Variants in ARHGAP5 observed in about 807,000 individuals in gnomAD.
ARHGAP5 encodes the protein Rho GTPase activating protein 5.
Under a neutral mutation model 116.6 loss-of-function variants are expected in ARHGAP5, and 23 were observed. The observed-to-expected ratio is 0.20, with a 90% CI of 0.14 to 0.28. The LOEUF is 0.28. ARHGAP5 is among the 10% of genes least tolerant of loss of function. The pLI, the probability that ARHGAP5 is intolerant of heterozygous loss-of-function variation, is 1.00. For synonymous variants in ARHGAP5, 574 were observed against 602.0 expected (o/e 0.95, Z 0.68); for missense variants, 1,405 against 1,774.8 (o/e 0.79, Z 3.74).
At chr14:32,081,672 G>GT (rs1555354626) in intron 1 of ARHGAP5, among the ~76,000 whole-genome samples, 1 of 151,654 alleles carries the variant, frequency 6.6e-6, no homozygotes, top group Non-Finnish European at 1.5e-5. Flanking sequence ...AAATAAACAC[G>GT]TAACGTTGGC....
chr14:32,154,302 AC>A (rs1881794311), intron 6 of ARHGAP5: 1 of 231,606 alleles, frequency 4.3e-6, no homozygotes, highest in Non-Finnish European at 8.5e-6. Context: ...AGGCTTTGTC[AC>A]TACGCCTGGC....
At chr14:32,132,270 T>C (rs937531316) in intron 3 of ARHGAP5, among the ~76,000 whole-genome samples, 92 of 152,290 alleles carry the variant, frequency 6.0e-4, no homozygotes, top group African/African-American at 2.2e-3. Context: ...TTTTAATGAT[T>C]GCCACTCTAA....
rs553535349 is a variant in ARHGAP5 at position 32,108,881 on chromosome 14, A to G, written c.3718-8259A>G. On this transcript the variant is annotated intron_variant, in intron 2 of 6. Coordinates refer to ENST00000345122, the MANE Select transcript of ARHGAP5 (RefSeq NM_001030055.2). ...ATTTATCTGGTGTATGTGTGAATCT[A>G]TTAAAATCAACATTCAGTGCTTATT... is the stretch of plus-strand genomic sequence containing the variant. Among the ~76,000 whole-genome samples the G allele has an allele frequency of 5.3e-5, 8 of 152,292 alleles. No individual in the cohort carries two copies. The East Asian group carries it at 1.2e-3, about 22-fold the overall frequency.
intron 1 of ARHGAP5, among the ~76,000 whole-genome samples, chr14:32,089,535 T>C (rs955882623): frequency 6.6e-6 from 1 of 151,902 alleles, no homozygotes; most frequent in Admixed American, 6.6e-5. Context: ...TGAAAACAAG[T>C]AATCAAAATT....
chr14:32,152,700 A>T (rs1213965708), intron 6 of ARHGAP5, among the ~76,000 whole-genome samples, 172 bp downstream of exon 6: 1 of 152,200 alleles, frequency 6.6e-6, no homozygotes, highest in Non-Finnish European at 1.5e-5. Flanking sequence ...TAGTTTTGTA[A>T]TGTAATTATT....
In ARHGAP5 at chr14:32,091,686, A is replaced by G; in HGVS notation, c.1017A>G (p.Ile339Met). The G allele has an allele frequency of 1.2e-6, 2 of 1,610,286 alleles. No individual in the cohort carries two copies. Among genetic ancestry groups the G allele is most frequent in the South Asian group, 1.1e-5 (1 of 90,160 alleles). The change falls in exon 2 of 7, where the codon ATA becomes ATG. Residue 339 changes from isoleucine to methionine, a missense_variant. Ile to Met is a conservative substitution (Grantham distance 10). Coordinates refer to ENST00000345122, the MANE Select transcript of ARHGAP5 (RefSeq NM_001030055.2). ...EHIRKRREEYINTLPRAFNTL... is the reference protein window; with the variant it reads ...EHIRKRREEYMNTLPRAFNTL... ...TAAGAAAAAGGAGAGAAGAGTATATAAATACTTTACCAAGAGCTTTTAACA... is the reference window on the plus strand; with the variant it reads ...TAAGAAAAAGGAGAGAAGAGTATATGAATACTTTACCAAGAGCTTTTAACA...
chr14:32,079,638 T>C (rs2041752250), intron 1 of ARHGAP5, among the ~76,000 whole-genome samples: 1 of 152,206 alleles, frequency 6.6e-6, no homozygotes, highest in South Asian at 2.1e-4. Flanking sequence ...ACTCACTTTT[T>C]TTAATTGAAG....
At chr14:32,083,173 C>T (rs1202373062) in intron 1 of ARHGAP5, among the ~76,000 whole-genome samples, 1 of 152,270 alleles carries the variant, frequency 6.6e-6, no homozygotes, top group Non-Finnish European at 1.5e-5. Flanking sequence ...TCATCTGTTT[C>T]AGGGGTCTGC....
chr14:32,131,462 A>T (rs1353849864), intron 3 of ARHGAP5, among the ~76,000 whole-genome samples: 1 of 152,166 alleles, frequency 6.6e-6, no homozygotes. Flanking sequence ...GAACTTTTGC[A>T]TTTGGAAAAA....
chr14:32,101,697 G>A (rs557541915), intron 2 of ARHGAP5, among the ~76,000 whole-genome samples: 1 of 151,178 alleles, frequency 6.6e-6, no homozygotes, highest in East Asian at 1.9e-4. Flanking sequence ...TATATAGAAA[G>A]AGCAGGCAGG....
At chr14:32,123,247 T>A (rs1879979215) in intron 3 of ARHGAP5, among the ~76,000 whole-genome samples, 1 of 152,034 alleles carries the variant, frequency 6.6e-6, no homozygotes, top group Non-Finnish European at 1.5e-5. Context: ...CTCTCTTAGT[T>A]TATAATTTTC....
At chr14:32,086,965 A>T (rs187212028) in intron 1 of ARHGAP5, among the ~76,000 whole-genome samples, 1 of 152,322 alleles carries the variant, frequency 6.6e-6, no homozygotes, top group Non-Finnish European at 1.5e-5. Flanking sequence ...TATAATTTCT[A>T]GTAGGTTATT....
intron 3 of ARHGAP5, among the ~76,000 whole-genome samples, chr14:32,132,472 A>G (rs1880554306): frequency 1.3e-5 from 2 of 152,084 alleles, no homozygotes; most frequent in African/African-American, 4.8e-5. Flanking sequence ...TTCATTATAG[A>G]TTTTGGATAT....
intron 3 of ARHGAP5, among the ~76,000 whole-genome samples, chr14:32,119,361 T>C (rs188686958): frequency 2.7e-4 from 41 of 152,266 alleles, no homozygotes; most frequent in African/African-American, 7.9e-4. Flanking sequence ...GATGTAGTGA[T>C]ATAAATGATC....
At chr14:32,123,237 C>T (rs1422507574) in intron 3 of ARHGAP5, among the ~76,000 whole-genome samples, 1 of 151,936 alleles carries the variant, frequency 6.6e-6, no homozygotes, top group Non-Finnish European at 1.5e-5. Context: ...AGCATCTTAG[C>T]TCTCTTAGTT....
intron 6 of ARHGAP5, 80 bp downstream of exon 6, chr14:32,152,608 A>T: frequency 1.3e-6 from 1 of 754,558 alleles, no homozygotes; most frequent in Non-Finnish European, 2.1e-6. Flanking sequence ...AAATTGGATA[A>T]TTATCAGATA....
intron 3 of ARHGAP5, among the ~76,000 whole-genome samples, chr14:32,119,258 C>T (rs1190787723): frequency 6.6e-6 from 1 of 151,942 alleles, no homozygotes; most frequent in Non-Finnish European, 1.5e-5. Context: ...TGAACTGTAG[C>T]ATAACCTTCT....
intron 3 of ARHGAP5, among the ~76,000 whole-genome samples, chr14:32,139,415 T>C (rs1880979502): frequency 6.6e-6 from 1 of 152,150 alleles, no homozygotes; most frequent in Non-Finnish European, 1.5e-5. Context: ...AGATTTTCTG[T>C]TTCTTCTTGA....
chr14:32,129,039 T>G (rs1210102761), intron 3 of ARHGAP5, among the ~76,000 whole-genome samples: 1 of 152,206 alleles, frequency 6.6e-6, no homozygotes, highest in East Asian at 1.9e-4. Flanking sequence ...AGCCTCCTGC[T>G]TTATTGTCAG....
Sources: allele counts gnomAD v4.1 joint callset (sites outside exome capture counted in the v4.1 genomes callset), GRCh38; gene constraint gnomAD v4.1.1; transcripts MANE v1.5; gene names NCBI Gene and HGNC (gene_info 2026-07-23, HGNC 2026-07-21).